The following TFG variants were observed in gnomAD, a reference collection of about 807,000 sequenced individuals.
The protein encoded by TFG is protein TFG.
Under a neutral mutation model 51.4 loss-of-function variants are expected in TFG, and 22 were observed. The ratio of observed to expected loss-of-function variants is 0.43; its 90% confidence interval spans 0.31 to 0.61. TFG has a LOEUF of 0.61. Among genes scored for constraint, TFG ranks in the 20% least tolerant of loss-of-function variants. The probability of loss-of-function intolerance (pLI) is 0.12; values close to 1 mark genes in which losing one functional copy is unlikely to be tolerated. For synonymous variants in TFG, 187 were observed against 165.6 expected (o/e 1.13, Z -0.99); for missense variants, 419 against 487.7 (o/e 0.86, Z 1.33).
chr3:100,714,944 CTTTG>C (rs907847123), intron 2 of TFG, among the ~76,000 whole-genome samples: 2 of 152,178 alleles, frequency 1.3e-5, no homozygotes, highest in African/African-American at 4.8e-5. Context: ...AACCTGCCTT[CTTTG>C]TTAATATCTC....
chr3:100,713,288 C>T (rs1469118168), intron 1 of TFG, among the ~76,000 whole-genome samples: 5 of 152,024 alleles, frequency 3.3e-5, no homozygotes. Context: ...AGAGAGAGAT[C>T]AACCAAGATT....
At chr3:100,729,034 A>C (rs1172668653) in intron 4 of TFG, among the ~76,000 whole-genome samples, 176 bp downstream of exon 4, 1 of 152,214 alleles carries the variant, frequency 6.6e-6, no homozygotes, top group African/African-American at 2.4e-5. Flanking sequence ...CATCAGAATT[A>C]CTAGGAGGTT....
chr3:100,732,040 A>C (rs2095092996), intron 4 of TFG, among the ~76,000 whole-genome samples: 1 of 152,204 alleles, frequency 6.6e-6, no homozygotes, highest in South Asian at 2.1e-4. Context: ...ATAGTGGACC[A>C]GTAGACAGTA....
intron 2 of TFG, among the ~76,000 whole-genome samples, chr3:100,719,002 CT>C (rs771737493): frequency 7.2e-5 from 11 of 152,240 alleles, no homozygotes; most frequent in Non-Finnish European, 1.6e-4. Context: ...AAGTTTTCTT[CT>C]TTTACATACA....
intron 6 of TFG, among the ~76,000 whole-genome samples, chr3:100,739,175 A>T (rs2095114708): frequency 6.6e-6 from 1 of 152,194 alleles, no homozygotes; most frequent in Non-Finnish European, 1.5e-5. Context: ...ACTACTGGTT[A>T]TAATTTGAGC....
At chr3:100,710,498 C>T (rs1032360363) in intron 1 of TFG, among the ~76,000 whole-genome samples, 1 of 152,208 alleles carries the variant, frequency 6.6e-6, no homozygotes, top group Non-Finnish European at 1.5e-5. Context: ...AGAATAATTA[C>T]AGGTTGACTT....
intron 3 of TFG, 31 bp downstream of exon 3, chr3:100,720,089 A>G (rs1199503080): frequency 9.9e-6 from 13 of 1,319,310 alleles, no homozygotes; most frequent in South Asian, 1.4e-5. Context: ...TGAATTTACT[A>G]TTTTATTCAT....
chr3:100,741,024 G>A (rs915572684), intron 6 of TFG, among the ~76,000 whole-genome samples: 2 of 152,112 alleles, frequency 1.3e-5, no homozygotes, highest in Non-Finnish European at 2.9e-5. Context: ...GGTGTAAACA[G>A]ACTTACTGCC....
chr3:100,732,158 A>G (rs974559172), intron 4 of TFG, among the ~76,000 whole-genome samples: 1 of 152,066 alleles, frequency 6.6e-6, no homozygotes, highest in African/African-American at 2.4e-5. Flanking sequence ...TGGGTATCTG[A>G]TACTAGGATA....
chr3:100,746,396 C>T (rs527764234), intron 7 of TFG, among the ~76,000 whole-genome samples: 1 of 152,222 alleles, frequency 6.6e-6, no homozygotes, highest in South Asian at 2.1e-4. Context: ...CACATACAGC[C>T]ATTCAGTGGA....
intron 5 of TFG, among the ~76,000 whole-genome samples, chr3:100,733,645 CATTT>C (rs1331338073): frequency 6.6e-6 from 1 of 152,122 alleles, no homozygotes; most frequent in South Asian, 2.1e-4. Flanking sequence ...AGTAGGGTCA[CATTT>C]TTCTGTTTCT....
In TFG at chr3:100,748,174, T is replaced by G. The variant is rs11353; in HGVS notation, c.846T>G (p.Pro282=). ...YSASYSQQTG[P]QQPQQFQGYG... The stretch of plus-strand genomic sequence containing the variant: ...CAAGCTATAGTCAGCAGACTGGACC[T>G]CAACAACCTCAGCAGTTCCAGGGAT... Residue 282 remains proline, a synonymous_variant, in exon 8 of 8, where the codon CCT becomes CCG. Coordinates refer to ENST00000240851, the MANE Select transcript of TFG (RefSeq NM_006070.6). The G allele has an allele frequency of 6.2e-7, 1 of 1,613,760 alleles. No homozygotes were observed. The highest frequency in any genetic ancestry group is 8.5e-7 in the Non-Finnish European group (1 of 1,179,890).
intron 1 of TFG, 72 bp from the exon 2 acceptor site, chr3:100,713,571 A>G (rs2095036872): frequency 1.6e-6 from 1 of 614,680 alleles, no homozygotes; most frequent in Non-Finnish European, 2.5e-6. Flanking sequence ...GTTTCTTAGC[A>G]TCTAATAGTA....
intron 3 of TFG, among the ~76,000 whole-genome samples, chr3:100,725,445 C>G (rs2095072484): frequency 6.6e-6 from 1 of 151,512 alleles, no homozygotes. Context: ...TATGTCTATG[C>G]TGTTTCATTT....
At chr3:100,722,146 A>G (rs1406796346) in intron 3 of TFG, among the ~76,000 whole-genome samples, 1 of 152,192 alleles carries the variant, frequency 6.6e-6, no homozygotes, top group East Asian at 1.9e-4. Flanking sequence ...GTGAGACTCC[A>G]TCTCAGAAAA....
chr3:100,730,798 T>C (rs1345708689), intron 4 of TFG, among the ~76,000 whole-genome samples: 1 of 152,188 alleles, frequency 6.6e-6, no homozygotes, highest in African/African-American at 2.4e-5. Flanking sequence ...CAGCAGCTAA[T>C]GGAGCAAGTA....
chr3:100,737,716 A>C (rs2095110442), intron 6 of TFG, among the ~76,000 whole-genome samples: 1 of 152,168 alleles, frequency 6.6e-6, no homozygotes, highest in South Asian at 2.1e-4. Context: ...TGAACTGACC[A>C]CTTTTGGAAT....
intron 6 of TFG, 181 bp from the exon 7 acceptor site, chr3:100,744,652 G>A (rs2095130117): frequency 4.3e-6 from 2 of 460,710 alleles, no homozygotes; most frequent in South Asian, 8.9e-5. Context: ...CACAGCAGAG[G>A]AATCACACTT....
intron 6 of TFG, among the ~76,000 whole-genome samples, chr3:100,740,405 C>T (rs2095118133): frequency 6.6e-6 from 1 of 152,094 alleles, no homozygotes; most frequent in Admixed American, 6.5e-5. Flanking sequence ...CTTGGGTGAC[C>T]TCATGACATG....
Sources: allele counts gnomAD v4.1 joint callset (sites outside exome capture counted in the v4.1 genomes callset), GRCh38; gene constraint gnomAD v4.1.1; transcripts MANE v1.5; gene names NCBI Gene and HGNC (gene_info 2026-07-23, HGNC 2026-07-21).